Variants in CSMD3 observed in about 807,000 individuals in gnomAD.
CSMD3 encodes CUB and Sushi multiple domains 3, also known as CUB and sushi domain-containing protein 3.
Under a neutral mutation model 435.2 loss-of-function variants are expected in CSMD3, and 177 were observed. The ratio of observed to expected loss-of-function variants is 0.41; its 90% confidence interval spans 0.36 to 0.46. The LOEUF is 0.46. Ranked by LOEUF, CSMD3 falls within the 20% of genes least tolerant of loss-of-function variation. The probability of loss-of-function intolerance (pLI) is 0.34; values close to 1 mark genes in which losing one functional copy is unlikely to be tolerated. For synonymous variants in CSMD3, 1,656 were observed against 1,520.5 expected (o/e 1.09, Z -2.07); for missense variants, 4,265 against 4,504.6 (o/e 0.95, Z 1.52).
intron 24 of CSMD3, among the ~76,000 whole-genome samples, chr8:112,569,545 T>C (rs972039799): frequency 1.3e-5 from 2 of 152,200 alleles, no homozygotes; most frequent in Admixed American, 1.3e-4. Context: ...CATACTTTTT[T>C]CATTTTATCT....
chr8:112,686,257 A>T (rs1408772545), intron 14 of CSMD3, among the ~76,000 whole-genome samples: 1 of 152,220 alleles, frequency 6.6e-6, no homozygotes, highest in Non-Finnish European at 1.5e-5. Flanking sequence ...TTTAACAGCC[A>T]TTAGTGGCTA....
intron 1 of CSMD3, among the ~76,000 whole-genome samples, chr8:113,381,647 CA>C (rs1165580618): frequency 1.3e-5 from 2 of 152,006 alleles, no homozygotes; most frequent in Non-Finnish European, 2.9e-5. Flanking sequence ...ATGAAGAAAA[CA>C]AAAGGTACAT....
chr8:112,387,151 T>C (rs982026721), intron 36 of CSMD3, among the ~76,000 whole-genome samples: 1 of 152,158 alleles, frequency 6.6e-6, no homozygotes, highest in African/African-American at 2.4e-5. Flanking sequence ...ATGAATCCAC[T>C]CTTTGCCACA....
At chr8:113,256,187 T>C (rs1052765253) in intron 3 of CSMD3, among the ~76,000 whole-genome samples, 1 of 152,160 alleles carries the variant, frequency 6.6e-6, no homozygotes, top group African/African-American at 2.4e-5. Context: ...AATTAATCTC[T>C]GGTTGTGTTG....
At chr8:112,393,028 G>A (rs1830573948) in intron 35 of CSMD3, among the ~76,000 whole-genome samples, 1 of 151,798 alleles carries the variant, frequency 6.6e-6, no homozygotes, top group Non-Finnish European at 1.5e-5. Context: ...ATCACACCCA[G>A]CTAATTTGTG....
chr8:113,228,712 C>A (rs189590581), intron 3 of CSMD3, among the ~76,000 whole-genome samples: 2 of 151,324 alleles, frequency 1.3e-5, no homozygotes, highest in African/African-American at 2.4e-5. Context: ...TCAAGGATAG[C>A]GAAAGAGTGT....
intron 4 of CSMD3, among the ~76,000 whole-genome samples, chr8:113,129,673 A>G (rs1338681907): frequency 6.6e-6 from 1 of 152,208 alleles, no homozygotes; most frequent in African/African-American, 2.4e-5. Flanking sequence ...TGTGAGAATC[A>G]TGGAGAGAGC....
intron 32 of CSMD3, among the ~76,000 whole-genome samples, chr8:112,418,179 C>A (rs1812114348): frequency 6.6e-6 from 1 of 152,040 alleles, no homozygotes. Context: ...TGTGTGAAAT[C>A]ATAAAAAATT....
chr8:113,057,427 T>A (rs1267053202), intron 5 of CSMD3, among the ~76,000 whole-genome samples: 1 of 151,682 alleles, frequency 6.6e-6, no homozygotes, highest in Non-Finnish European at 1.5e-5. Context: ...ATTTAACTCT[T>A]CTTTTTCAGT....
At chr8:113,187,907 T>C (rs2092531950) in intron 3 of CSMD3, among the ~76,000 whole-genome samples, 1 of 152,034 alleles carries the variant, frequency 6.6e-6, no homozygotes, top group Non-Finnish European at 1.5e-5. Context: ...CCTAGCCACA[T>C]GCTCTATTTC....
rs113727056 is a variant in CSMD3, at chr8:112,273,650, C to T, written c.9508+7524G>A. 2.3e-3 allele frequency among the ~76,000 whole-genome samples: 340 copies of T among 147,584 alleles called. 2 individuals carry two copies. The highest frequency in any genetic ancestry group is 0.015 in the South Asian group (69 of 4,694). Reference sequence around the variant, plus strand: ...CTGAGGCAGGAGAATGGCGTGAACCCGGTAGGTGGAGTTTGCAGTGAGCCG... The same window carrying T: ...CTGAGGCAGGAGAATGGCGTGAACCTGGTAGGTGGAGTTTGCAGTGAGCCG... On this transcript the variant is annotated intron_variant, in intron 59 of 70. Transcript: ENST00000297405.
At chr8:112,239,485 C>T (rs755270140) in intron 66 of CSMD3, among the ~76,000 whole-genome samples, 1 of 151,872 alleles carries the variant, frequency 6.6e-6, no homozygotes, top group Non-Finnish European at 1.5e-5. Flanking sequence ...TTTTATTGTC[C>T]AGAAGAGTTT....
At chr8:113,059,524 A>G (rs1399174579) in intron 5 of CSMD3, among the ~76,000 whole-genome samples, 1 of 152,176 alleles carries the variant, frequency 6.6e-6, no homozygotes, top group Non-Finnish European at 1.5e-5. Flanking sequence ...TTCCATGCTA[A>G]TATTTTCACA....
chr8:113,161,744 C>T (rs1473533907), intron 4 of CSMD3, among the ~76,000 whole-genome samples: 1 of 152,146 alleles, frequency 6.6e-6, no homozygotes, highest in Non-Finnish European at 1.5e-5. Context: ...AAGTTTTAGA[C>T]TCTTTTGTCT....
At chr8:112,279,886 T>C (rs1189321375) in intron 59 of CSMD3, among the ~76,000 whole-genome samples, 2 of 152,170 alleles carry the variant, frequency 1.3e-5, no homozygotes, top group Non-Finnish European at 2.9e-5. Flanking sequence ...GTTTTCACTT[T>C]TGAAGAGACA....
intron 27 of CSMD3, among the ~76,000 whole-genome samples, chr8:112,535,275 T>G (rs568669833): frequency 3.2e-4 from 48 of 152,208 alleles, no homozygotes; most frequent in African/African-American, 1.1e-3. Context: ...GAAAACCCCA[T>G]TGTCTCAGCC....
intron 1 of CSMD3, among the ~76,000 whole-genome samples, chr8:113,412,642 T>A (rs1033594701): frequency 2.6e-5 from 4 of 152,152 alleles, no homozygotes; most frequent in South Asian, 4.1e-4. Context: ...ATTTTTCACC[T>A]GATTCCACTG....
chr8:112,256,200 C>T lies in CSMD3; in HGVS notation c.9863-773G>A, dbSNP rs543053444. Among the ~76,000 whole-genome samples the T allele has an allele frequency of 5.8e-4, 88 of 151,840 alleles. No individual in the cohort carries two copies. In the South Asian group the frequency reaches 0.018, roughly 32 times the overall value. On this transcript the variant is annotated intron_variant, in intron 61 of 70. Coordinates refer to ENST00000297405, the MANE Select transcript of CSMD3 (RefSeq NM_198123.2). ...GTAAACAAATACTGTAGGAAATCTG[C>T]TTTTATAGGGTTTATGCATTTGTGA...
chr8:113,149,348 T>C (rs1724857650), intron 4 of CSMD3, among the ~76,000 whole-genome samples: 2 of 151,832 alleles, frequency 1.3e-5, no homozygotes. Flanking sequence ...ATTCATTGTC[T>C]TCCCTCATTA....
Sources: gnomAD v4.1 joint callset for allele counts (sites outside exome capture counted in the v4.1 genomes callset) on GRCh38, gnomAD v4.1.1 for gene constraint, MANE v1.5 for transcripts, NCBI Gene and HGNC (gene_info 2026-07-23, HGNC 2026-07-21) for gene names.